HDAC9: variants seen among roughly 807,000 people sequenced by gnomAD.
HDAC9 encodes the protein MEF-2 interacting transcription repressor (MITR) protein.
HDAC9 carries 41 observed loss-of-function variants against 139.4 expected under a neutral mutation model. The observed-to-expected ratio is 0.29, with a 90% CI of 0.23 to 0.38. The LOEUF (loss-of-function observed/expected upper bound fraction) is 0.38. HDAC9 is among the 10% of genes least tolerant of loss of function. The pLI is 1.00. For missense variants in HDAC9, 1,147 were observed against 1,297.0 expected (o/e 0.88, Z 1.78); for synonymous variants, 517 against 476.2 (o/e 1.09, Z -1.12).
chr7:18,130,028 C>T (rs1164299774), intron 1 of HDAC9, among the ~76,000 whole-genome samples: 1 of 152,132 alleles, frequency 6.6e-6, no homozygotes, highest in Non-Finnish European at 1.5e-5. Flanking sequence ...CAAAACAACA[C>T]AACGGATGAA....
intron 1 of HDAC9, among the ~76,000 whole-genome samples, chr7:18,110,481 G>A (rs1783542082): frequency 1.3e-5 from 2 of 152,138 alleles, no homozygotes; most frequent in Non-Finnish European, 2.9e-5. Flanking sequence ...ATGTGCAGAG[G>A]CCCAGAGATG....
At chr7:18,391,364 G>C (rs528547544) in intron 1 of HDAC9, among the ~76,000 whole-genome samples, 3 of 151,884 alleles carry the variant, frequency 2.0e-5, no homozygotes, top group African/African-American at 7.2e-5. Flanking sequence ...CAGCCTGAGC[G>C]ATGGAGCGAG....
chr7:18,692,215 G>A (rs190543970), intron 12 of HDAC9, among the ~76,000 whole-genome samples: 3 of 152,172 alleles, frequency 2.0e-5, no homozygotes, highest in Admixed American at 2.0e-4. Flanking sequence ...TTTCCAAATT[G>A]TGTTTTAAAA....
chr7:18,339,143 G>C (rs1251917843), intron 1 of HDAC9, among the ~76,000 whole-genome samples: 1 of 151,204 alleles, frequency 6.6e-6, no homozygotes, highest in Non-Finnish European at 1.5e-5. Flanking sequence ...TTAGTATCTT[G>C]CCTTTTTTTT....
chr7:18,193,530 A>G (rs1182745), intron 2 of HDAC9, among the ~76,000 whole-genome samples: 1 of 151,838 alleles, frequency 6.6e-6, no homozygotes, highest in Non-Finnish European at 1.5e-5. Context: ...GCGCCATGCT[A>G]TATAACACAA....
intron 14 of HDAC9, among the ~76,000 whole-genome samples, chr7:18,759,248 C>T (rs1789159158): frequency 6.6e-6 from 1 of 152,144 alleles, no homozygotes; most frequent in Non-Finnish European, 1.5e-5. Context: ...CGGACCACTA[C>T]TGGTCCATGG....
intron 2 of HDAC9, among the ~76,000 whole-genome samples, chr7:18,501,545 G>A (rs377470040): frequency 6.6e-6 from 1 of 152,062 alleles, no homozygotes; most frequent in East Asian, 1.9e-4. Context: ...ATTCAGTTAA[G>A]TTTAAATTTA....
chr7:18,269,431 A>G (rs1278826614), intron 2 of HDAC9, among the ~76,000 whole-genome samples: 2 of 152,174 alleles, frequency 1.3e-5, no homozygotes, highest in Admixed American at 6.5e-5. Context: ...CCTAAAGTCT[A>G]AAGGTTTAAA....
chr7:18,389,260 G>A (rs141416643), intron 1 of HDAC9, among the ~76,000 whole-genome samples: 28 of 152,304 alleles, frequency 1.8e-4, no homozygotes, highest in African/African-American at 6.5e-4. Context: ...AGCTAGGCTA[G>A]GAGTAGTAGC....
chr7:18,168,636 G>A (rs1472338053), intron 2 of HDAC9, among the ~76,000 whole-genome samples: 1 of 151,656 alleles, frequency 6.6e-6, no homozygotes, highest in African/African-American at 2.4e-5. Flanking sequence ...TAACTCTAGG[G>A]AAACACAAAG....
At chr7:18,384,649 C>T (rs1293769321) in intron 1 of HDAC9, among the ~76,000 whole-genome samples, 1 of 151,948 alleles carries the variant, frequency 6.6e-6, no homozygotes, top group African/African-American at 2.4e-5. Context: ...ACTCCAAAAT[C>T]ACTGATGCAG....
At chr7:18,774,300 T>A (rs776056298) in intron 16 of HDAC9, among the ~76,000 whole-genome samples, 1 of 152,074 alleles carries the variant, frequency 6.6e-6, no homozygotes, top group Non-Finnish European at 1.5e-5. Context: ...TCGATATTTT[T>A]ATGCTCCTGA....
chr7:18,156,137 G>A (rs894554314), intron 1 of HDAC9, among the ~76,000 whole-genome samples: 1 of 152,132 alleles, frequency 6.6e-6, no homozygotes, highest in Non-Finnish European at 1.5e-5. Flanking sequence ...ATGAATAAGT[G>A]GTTTGATTGT....
upstream of HDAC9, among the ~76,000 whole-genome samples, chr7:18,491,271 A>G (rs1454710670): frequency 6.6e-6 from 1 of 152,032 alleles, no homozygotes; most frequent in Non-Finnish European, 1.5e-5. Flanking sequence ...AATTAAAACA[A>G]AACAATACAC....
At chr7:18,914,031 C>A (rs1802969404) in intron 22 of HDAC9, among the ~76,000 whole-genome samples, 1 of 151,924 alleles carries the variant, frequency 6.6e-6, no homozygotes, top group Non-Finnish European at 1.5e-5. Flanking sequence ...GGAGGTAGGG[C>A]TTTTGAGAGC....
At chr7:18,718,113 A>G (rs777509303) in intron 12 of HDAC9, among the ~76,000 whole-genome samples, 7 of 151,716 alleles carry the variant, frequency 4.6e-5, no homozygotes, top group Non-Finnish European at 1.0e-4. Flanking sequence ...AACTGTACCC[A>G]TTAGCAGTAA....
intron 2 of HDAC9, among the ~76,000 whole-genome samples, chr7:18,576,714 AAG>A (rs1826069380): frequency 6.6e-6 from 1 of 152,114 alleles, no homozygotes; most frequent in South Asian, 2.1e-4. Flanking sequence ...TAGATAATAA[AAG>A]AGAGAGGAGT....
At chr7:18,479,050 G>A (rs959607301) in intron 1 of HDAC9, among the ~76,000 whole-genome samples, 2 of 151,690 alleles carry the variant, frequency 1.3e-5, no homozygotes, top group African/African-American at 4.8e-5. Flanking sequence ...CACTGTAAAC[G>A]TTTTCTCTCA....
intron 1 of HDAC9, among the ~76,000 whole-genome samples, chr7:18,441,012 A>G (rs1229186790): frequency 1.3e-5 from 2 of 152,208 alleles, no homozygotes; most frequent in South Asian, 2.1e-4. Context: ...TTCCAGATTT[A>G]TCACTGTGTG....
Sources: allele counts gnomAD v4.1 joint callset (sites outside exome capture counted in the v4.1 genomes callset), GRCh38; gene constraint gnomAD v4.1.1; transcripts MANE v1.5; gene names NCBI Gene and HGNC (gene_info 2026-07-23, HGNC 2026-07-21).